FMN1: variants seen among roughly 807,000 people sequenced by gnomAD.
FMN1 encodes formin 1.
Under a neutral mutation model 132.4 loss-of-function variants are expected in FMN1, and 110 were observed. That is an observed-to-expected ratio of 0.83 (90% CI 0.71 to 0.97). The LOEUF (loss-of-function observed/expected upper bound fraction) is 0.97. Among genes scored for constraint, FMN1 ranks in the 50% least tolerant of loss-of-function variants. The pLI, the probability that FMN1 is intolerant of heterozygous loss-of-function variation, is 0.00. For missense variants in FMN1, 1,792 were observed against 1,705.3 expected (o/e 1.05, Z -0.90); for synonymous variants, 722 against 651.7 (o/e 1.11, Z -1.64).
At chr15:33,147,863 A>T (rs573073774) in intron 4 of FMN1, among the ~76,000 whole-genome samples, 1 of 152,318 alleles carries the variant, frequency 6.6e-6, no homozygotes, top group African/African-American at 2.4e-5. Flanking sequence ...TTTATGCTTT[A>T]CACAAAAAGC....
intron 16 of FMN1, among the ~76,000 whole-genome samples, chr15:32,862,450 T>C (rs758947725): frequency 1.3e-5 from 2 of 152,220 alleles, no homozygotes; most frequent in South Asian, 2.1e-4. Context: ...CAATACATAG[T>C]GAAATAACTG....
chr15:33,035,321 G>A (rs1421771065), intron 6 of FMN1, among the ~76,000 whole-genome samples: 1 of 152,136 alleles, frequency 6.6e-6, no homozygotes, highest in Non-Finnish European at 1.5e-5. Context: ...GGAGGAAAAT[G>A]CTAAATTTTA....
chr15:33,160,014 T>C (rs1400869965), intron 3 of FMN1, among the ~76,000 whole-genome samples: 1 of 152,204 alleles, frequency 6.6e-6, no homozygotes, highest in Admixed American at 6.5e-5. Flanking sequence ...TTAGTAGTCC[T>C]AGATTTCTAG....
intron 17 of FMN1, among the ~76,000 whole-genome samples, chr15:32,828,483 GTAATTCT>G (rs1192303518): frequency 6.6e-6 from 1 of 150,890 alleles, no homozygotes; most frequent in Non-Finnish European, 1.5e-5. Context: ...ATGTGATTTT[GTAATTCT>G]TTATCATTTA....
chr15:32,947,820 T>C (rs550758632), intron 9 of FMN1, among the ~76,000 whole-genome samples: 2 of 152,226 alleles, frequency 1.3e-5, no homozygotes, highest in South Asian at 4.1e-4. Flanking sequence ...ATTGTGGTAC[T>C]GATCTCATAT....
rs903261324 is a variant in FMN1 at position 32,898,945 on chromosome 15, G to A, written c.3655-52C>T. The A allele has an allele frequency of 1.3e-5, 16 of 1,238,764 alleles. No homozygotes were observed. In the African/African-American group the frequency reaches 2.4e-4, roughly 18 times the overall value. The allele number at this position is 1,238,764 out of a possible 1,614,324, so 76.7% of individuals were successfully genotyped here. On this transcript the variant is annotated intron_variant, in intron 14 of 20. Transcript: ENST00000616417. ...AAAATCATTCCCATGAGACTGTCAT[G>A]TTACACGGTTGAGAGGTGAAATCTC... is the stretch of plus-strand genomic sequence containing the variant.
At chr15:33,122,621 G>C (rs1450226562) in intron 4 of FMN1, among the ~76,000 whole-genome samples, 1 of 152,138 alleles carries the variant, frequency 6.6e-6, no homozygotes, top group African/African-American at 2.4e-5. Flanking sequence ...AAAATCTAAT[G>C]GCCACTAGTG....
chr15:33,164,026 C>G (rs970021532), intron 3 of FMN1, among the ~76,000 whole-genome samples: 1 of 151,942 alleles, frequency 6.6e-6, no homozygotes, highest in African/African-American at 2.4e-5. Flanking sequence ...TGGTATGAAA[C>G]ATGGGAAAAA....
At chr15:33,004,300 A>G (rs920690968) in intron 7 of FMN1, among the ~76,000 whole-genome samples, 24 of 152,228 alleles carry the variant, frequency 1.6e-4, no homozygotes, top group Non-Finnish European at 3.4e-4. Context: ...CTCATCTGAC[A>G]AAGGGCTAAT....
At chr15:32,819,753 GA>G (rs1215547489) in intron 17 of FMN1, among the ~76,000 whole-genome samples, 3 of 151,128 alleles carry the variant, frequency 2.0e-5, no homozygotes, top group African/African-American at 4.9e-5. Flanking sequence ...AAAAAAGAAA[GA>G]AAAAAAACCA....
intron 6 of FMN1, among the ~76,000 whole-genome samples, chr15:33,008,907 C>A (rs1566819767): frequency 6.6e-6 from 1 of 152,098 alleles, no homozygotes. Context: ...TGTTTGGGGT[C>A]ATGAGTATGA....
At chr15:32,961,544 T>C (rs559740782) in intron 9 of FMN1, among the ~76,000 whole-genome samples, 28 of 152,250 alleles carry the variant, frequency 1.8e-4, no homozygotes, top group African/African-American at 5.8e-4. Context: ...CTCAACACCA[T>C]TTCTGCTACT....
rs368862687 is a variant in FMN1 at position 32,969,189 on chromosome 15, A to G, written c.2512T>C (p.Leu838=). The change falls in exon 8 of 21, where the codon TTA becomes CTA. Residue 838 remains leucine (L), a synonymous_variant. Coordinates refer to ENST00000616417, the MANE Select transcript of FMN1 (RefSeq NM_001277313.2). ...TCATTTGGGGGTGAGAGCTGGCTTAAAGAGGAGATATTCAGCTTTTTGGGT... is the reference window on the plus strand; with the variant it reads ...TCATTTGGGGGTGAGAGCTGGCTTAGAGAGGAGATATTCAGCTTTTTGGGT... ...LVPKKLNISS[L]SQLSPPNDHK... 4.3e-6 allele frequency: 7 copies of G among 1,613,782 alleles called. No individual in the cohort carries two copies. The African/African-American group carries it at 6.7e-5, about 15-fold the overall frequency.
intron 6 of FMN1, among the ~76,000 whole-genome samples, chr15:33,053,900 CCTTTT>C (rs2037095480): frequency 6.6e-6 from 1 of 151,984 alleles, no homozygotes; most frequent in Admixed American, 6.5e-5. Context: ...TTTCTTTTTT[CCTTTT>C]CTTTTCTTTC....
chr15:33,059,989 T>C (rs996377251), intron 6 of FMN1, among the ~76,000 whole-genome samples: 1 of 152,236 alleles, frequency 6.6e-6, no homozygotes, highest in African/African-American at 2.4e-5. Flanking sequence ...GCTGTGTACA[T>C]ATACTAAGTG....
intron 2 of FMN1, among the ~76,000 whole-genome samples, chr15:33,183,032 C>T (rs578227844): frequency 6.6e-6 from 1 of 152,274 alleles, no homozygotes; most frequent in South Asian, 2.1e-4. Context: ...ACCAAGCAGC[C>T]TCTTCCCCTC....
chr15:33,068,968 C>T (rs4144337), intron 5 of FMN1, among the ~76,000 whole-genome samples: 18,534 of 152,190 alleles, frequency 0.12, 2,051 homozygotes, highest in East Asian at 0.63. Flanking sequence ...ACGCCTCTCC[C>T]CCTTTGGTGT....
intron 16 of FMN1, among the ~76,000 whole-genome samples, chr15:32,881,559 A>G (rs2059771079): frequency 6.6e-6 from 1 of 152,204 alleles, no homozygotes; most frequent in Admixed American, 6.5e-5. Context: ...AAGGTTTCCA[A>G]AGTGACTTTT....
chr15:33,154,142 T>C lies in FMN1; in HGVS notation c.773A>G (p.Lys258Arg), dbSNP rs1595574873. The C allele has an allele frequency of 6.5e-7, 1 of 1,536,360 alleles. No homozygotes were observed. The highest frequency in any genetic ancestry group is 8.7e-7 in the Non-Finnish European group (1 of 1,146,952). The change falls in exon 4 of 21, where the codon AAG becomes AGG. Residue 258 changes from lysine (K) to arginine (R), a missense_variant. Transcript: ENST00000616417. ...CACTTCTCTTCCAAGCCCAGTGTCC[T>C]TGAAAGCCGTCTCAAAGCTCCCAAA... is the stretch of plus-strand genomic sequence containing the variant. ...LGFGSFETAF[K>R]DTGLGREVLP... is the part of the protein sequence containing the mutation.
Sources: gnomAD v4.1 joint callset for allele counts (sites outside exome capture counted in the v4.1 genomes callset) on GRCh38, gnomAD v4.1.1 for gene constraint, MANE v1.5 for transcripts, NCBI Gene and HGNC (gene_info 2026-07-23, HGNC 2026-07-21) for gene names.